PLCH2: variants seen among roughly 807,000 people sequenced by gnomAD.
The protein encoded by PLCH2 is phospholipase C eta 2.
PLCH2 carries 98 observed loss-of-function variants against 134.7 expected under a neutral mutation model. That is an observed-to-expected ratio of 0.73 (90% confidence interval 0.62 to 0.86). The LOEUF (loss-of-function observed/expected upper bound fraction) is 0.86. PLCH2 is among the 40% of genes least tolerant of loss of function. The pLI, the probability that PLCH2 is intolerant of heterozygous loss-of-function variation, is 0.00. For synonymous variants in PLCH2, 974 were observed against 827.5 expected, an observed-to-expected ratio of 1.18 and a Z score of -3.04; for missense variants, 1,994 against 1,986.6, an observed-to-expected ratio of 1.00 and a Z score of -0.07.
chr1:2,443,012 T>C (rs1639759964), intron 2 of PLCH2, among the ~76,000 whole-genome samples: 2 of 152,212 alleles, frequency 1.3e-5, no homozygotes, highest in African/African-American at 2.4e-5. Context: ...CCTGTCTCTG[T>C]GGCTGCTTTG....
At chr1:2,472,729 G>A (rs944352374), upstream of PLCH2, among the ~76,000 whole-genome samples, 2 of 152,154 alleles carry the variant, frequency 1.3e-5, no homozygotes, top group African/African-American at 2.4e-5. Flanking sequence ...GGCAGCAAGC[G>A]TCGGGAGAGG....
Position 2,491,241 on chromosome 1 carries a change from A to T in PLCH2, c.1565A>T (p.Asp522Val), listed in dbSNP as rs764475064. 4 of 1,613,186 alleles carry T rather than the reference A, an allele frequency of 2.5e-6. No homozygotes were observed. The highest frequency in any genetic ancestry group is 1.7e-4 in the Middle Eastern group (1 of 6,060). The stretch of plus-strand genomic sequence containing the variant: ...GAAAACACTGCTAAGAGGAAACTGG[A>T]TTCCCTCATCAAAGAGTCGAAGATT... ...RVENTAKRKL[D>V]SLIKESKIRD... Residue 522 changes from aspartate to valine, a missense_variant, in exon 11 of 22, where the codon GAT (aspartate) becomes GTT (valine). By Grantham distance (152) the Asp-to-Val change is radical. This residue lies in a region of PLCH2 where 1,094 missense variants were observed against 1,234.3 expected (regional missense o/e 0.89). Coordinates refer to ENST00000378486, the MANE Select transcript of PLCH2 (RefSeq NM_014638.4).
chr1:2,427,323 G>A (rs1638848022), intron 1 of PLCH2, among the ~76,000 whole-genome samples: 2 of 152,146 alleles, frequency 1.3e-5, no homozygotes, highest in Non-Finnish European at 2.9e-5. Context: ...GGGGCCCGGG[G>A]CCGCAGGTCT....
At position 2,504,581 on chromosome 1, in the gene PLCH2, CG is replaced by C. The variant is rs760949811; in HGVS notation, c.3622del (p.Ala1208LeufsTer69). ...CAAGAGCAAATCCAACCCCAACCTT[CG>C]GGCTACAGGCCAGCGGCCTCCCATA... Reference protein sequence around the residue: ...VTKSKSNPNLRATGQRPPIPD... With the variant: ...VTKSKSNPNLXATGQRPPIPD... On this transcript the variant is annotated frameshift_variant, in exon 22 of 22. Transcript: ENST00000378486. LOFTEE classifies it high-confidence loss of function. 1.2e-6 allele frequency: 2 copies of C among 1,612,778 alleles called. No individual in the cohort carries two copies. Among genetic ancestry groups the C allele is most frequent in the Non-Finnish European group, 1.7e-6 (2 of 1,179,802 alleles).
intron 8 of PLCH2, 107 bp from the exon 9 acceptor site, chr1:2,489,100 C>T: frequency 9.8e-7 from 1 of 1,019,572 alleles, no homozygotes; most frequent in Non-Finnish European, 1.5e-6. Context: ...CTGGTGAAGA[C>T]CCCTCCTCAT....
intron 4 of PLCH2, among the ~76,000 whole-genome samples, chr1:2,483,835 G>GTGGCGCTGACCCCC (rs1642121295): frequency 2.7e-5 from 3 of 112,234 alleles, no homozygotes; most frequent in Non-Finnish European, 5.6e-5. Flanking sequence ...CCCGTGTGGG[G>GTGGCGCTGACCCCC]GTGGCGCTGA....
At chr1:2,501,167 G>T (rs1201967063) in intron 20 of PLCH2, 1 of 152,016 alleles carries the variant, frequency 6.6e-6, no homozygotes, top group Non-Finnish European at 1.5e-5. Flanking sequence ...CCATCTGAAC[G>T]CATCTGCCCA....
chr1:2,471,935 C>T (rs374590273), upstream of PLCH2, among the ~76,000 whole-genome samples: 255 of 152,314 alleles, frequency 1.7e-3, 1 homozygote, highest in Non-Finnish European at 1.7e-3. Flanking sequence ...GGCTGCCACA[C>T]GGAGGGCGCT....
Position 2,448,252 on chromosome 1 carries a change from G to A in PLCH2, c.115+17623G>A, listed in dbSNP as rs570987790. ...GCACTGGCCACTAAAAACGCCGCACGCTTATTCTCTCGCAGTCCTGGAGGC... is the reference window on the plus strand; with the variant it reads ...GCACTGGCCACTAAAAACGCCGCACACTTATTCTCTCGCAGTCCTGGAGGC... On this transcript the variant is annotated intron_variant, in intron 2 of 3. Coordinates refer to the PLCH2 transcript ENST00000609981. The surrounding 1 kb of genome is among the most constrained non-coding windows in gnomAD (Gnocchi z 4.0). Among the ~76,000 whole-genome samples, 57 of 152,286 alleles carry A rather than the reference G, an allele frequency of 3.7e-4. No homozygotes were observed. Among genetic ancestry groups the A allele is most frequent in the African/African-American group, 1.3e-3 (53 of 41,554 alleles).
At chr1:2,503,696 C>G (rs1387007242) in intron 21 of PLCH2, 2 of 649,664 alleles carry the variant, frequency 3.1e-6, no homozygotes, top group Non-Finnish European at 2.8e-6. Context: ...AGGAGGGCCC[C>G]GTGTGCGGCA....
At chr1:2,453,319 T>C (rs1226238327) in intron 2 of PLCH2, among the ~76,000 whole-genome samples, 1 of 152,176 alleles carries the variant, frequency 6.6e-6, no homozygotes, top group Non-Finnish European at 1.5e-5. Context: ...CCCTGAGGCA[T>C]ATGTTTCCAG....
At chr1:2,491,828 G>A (rs1642601681) in intron 11 of PLCH2, among the ~76,000 whole-genome samples, 1 of 152,094 alleles carries the variant, frequency 6.6e-6, no homozygotes, top group Non-Finnish European at 1.5e-5. Context: ...AGCGTGGGTG[G>A]GCCCTACAGA....
chr1:2,503,191 C>T (rs1256149735), intron 21 of PLCH2: 8 of 600,504 alleles, frequency 1.3e-5, no homozygotes, highest in Middle Eastern at 3.8e-4. Context: ...GGTCTGGGGC[C>T]GGGACTGTGG....
At chr1:2,502,780 C>A (rs973305572) in intron 21 of PLCH2, 5 of 716,736 alleles carry the variant, frequency 7.0e-6, no homozygotes, top group Non-Finnish European at 1.3e-5. Flanking sequence ...ACAGCCCGGG[C>A]ATCCCCGAAA....
the PLCH2 span, among the ~76,000 whole-genome samples, chr1:2,417,530 C>T: frequency 7.9e-5 from 12 of 152,280 alleles, no homozygotes; most frequent in East Asian, 1.7e-3. Flanking sequence ...TAGGCAAGGC[C>T]GGAGAGGACC....
chr1:2,471,684 G>A (rs535915931), upstream of PLCH2, among the ~76,000 whole-genome samples: 1 of 152,322 alleles, frequency 6.6e-6, no homozygotes, highest in Non-Finnish European at 1.5e-5. Flanking sequence ...GTGGAGGGCA[G>A]GTCAGGTGGC....
At chr1:2,424,792 C>T (rs1638692067), upstream of PLCH2, among the ~76,000 whole-genome samples, 1 of 152,150 alleles carries the variant, frequency 6.6e-6, no homozygotes, top group Non-Finnish European at 1.5e-5. Flanking sequence ...TCGAGACCAT[C>T]CTGGCTAACA....
intron 4 of PLCH2, among the ~76,000 whole-genome samples, chr1:2,483,757 C>CCCCGTGTGGGGGGCGCTGACT (rs138594264): frequency 0.21 from 19,894 of 96,004 alleles, 3,279 homozygotes; most frequent in East Asian, 0.45. Flanking sequence ...TGTTGTTGAC[C>CCCCGTGTGGGGGGCGCTGACT]CCCGTTTGGG....
Position 2,503,762 on chromosome 1 carries a change from C to T in PLCH2, c.2960-160C>T, listed in dbSNP as rs111595745. 2.4e-3 allele frequency: 1,466 copies of T among 617,066 alleles called. 22 individuals carry two copies. In the African/African-American group the frequency reaches 0.024, roughly 10 times the overall value. 38.2% of individuals were successfully genotyped at this position (617,066 alleles called of 1,614,324 possible). A position where few individuals can be genotyped will look rare whatever the true frequency, so the allele number is the denominator to read the frequency against. The stretch of plus-strand genomic sequence containing the variant: ...GGGTGGGGACACCGAGTGTGCCGCG[C>T]CCGGGGGATGCCTCGGGGTGGGAGC... On this transcript the variant is annotated intron_variant, in intron 21 of 21. Transcript: ENST00000378486.
Sources: allele counts gnomAD v4.1 joint callset (sites outside exome capture counted in the v4.1 genomes callset), GRCh38; gene constraint gnomAD v4.1.1; regional missense constraint gnomAD v4.1.1; non-coding constraint Gnocchi (gnomAD v3.1); transcripts MANE v1.5; gene names NCBI Gene and HGNC (gene_info 2026-07-23, HGNC 2026-07-21).